Variants in MORC1 observed in about 807,000 individuals in gnomAD.
MORC1 encodes MORC family CW-type zinc finger protein 1.
A neutral mutation model predicts 134.9 loss-of-function variants in MORC1; 59 were observed. The observed-to-expected ratio is 0.44, with a 90% confidence interval of 0.35 to 0.54. MORC1 has a LOEUF of 0.54. Ranked by LOEUF, MORC1 falls within the 20% of genes least tolerant of loss-of-function variation. MORC1 has a pLI of 0.00. For missense variants in MORC1, 947 were observed against 1,134.5 expected (o/e 0.83, Z 2.37); for synonymous variants, 395 against 391.7 (o/e 1.01, Z -0.10).
At chr3:109,044,341 G>A (rs564064586) in intron 14 of MORC1, among the ~76,000 whole-genome samples, 38 of 151,110 alleles carry the variant, frequency 2.5e-4, no homozygotes, top group Admixed American at 5.3e-4. Context: ...GGCGGATCGC[G>A]AGGTCAGGAG....
chr3:109,003,983 T>A (rs1422901459), intron 20 of MORC1, among the ~76,000 whole-genome samples: 1 of 152,216 alleles, frequency 6.6e-6, no homozygotes, highest in Non-Finnish European at 1.5e-5. Context: ...TAACTACTAT[T>A]CAAAATAATT....
intron 4 of MORC1, among the ~76,000 whole-genome samples, chr3:109,102,402 C>G (rs57818885): frequency 0.032 from 4,896 of 151,952 alleles, 247 homozygotes; most frequent in African/African-American, 0.11. Context: ...ACATTTTCAG[C>G]AGGAAAATGT....
intron 17 of MORC1, among the ~76,000 whole-genome samples, chr3:109,009,489 C>A (rs981829173): frequency 1.3e-5 from 2 of 152,180 alleles, no homozygotes; most frequent in African/African-American, 2.4e-5. Flanking sequence ...CAGGCGTGAG[C>A]CACCACGCCT....
chr3:109,074,420 A>G (rs1950379725), intron 8 of MORC1, among the ~76,000 whole-genome samples: 1 of 152,236 alleles, frequency 6.6e-6, no homozygotes, highest in South Asian at 2.1e-4. Flanking sequence ...AAAAGAGACA[A>G]GGTGAAATGG....
intron 22 of MORC1, among the ~76,000 whole-genome samples, chr3:108,986,207 T>C (rs1384769974): frequency 6.6e-6 from 1 of 152,018 alleles, no homozygotes; most frequent in Non-Finnish European, 1.5e-5. Flanking sequence ...TGGTATAATA[T>C]CAAAATTAAA....
At chr3:108,960,846 T>G (rs995386655) in intron 27 of MORC1, among the ~76,000 whole-genome samples, 1 of 152,234 alleles carries the variant, frequency 6.6e-6, no homozygotes, top group Non-Finnish European at 1.5e-5. Context: ...CATCCATTTT[T>G]CTTTAATAAT....
intron 26 of MORC1, 75 bp downstream of exon 26, chr3:108,969,594 G>C: frequency 2.8e-6 from 4 of 1,407,856 alleles, no homozygotes; most frequent in Non-Finnish European, 4.0e-6. Flanking sequence ...CCTAACATTT[G>C]GAAATGTACA....
At chr3:108,974,772 T>C (rs1423969422) in intron 24 of MORC1, among the ~76,000 whole-genome samples, 1 of 152,234 alleles carries the variant, frequency 6.6e-6, no homozygotes, top group Non-Finnish European at 1.5e-5. Flanking sequence ...ATTGTCTTTC[T>C]TCTCAAGAAT....
Position 109,069,730 on chromosome 3 carries a change from G to A in MORC1, c.717C>T (p.Ala239=). The change falls in exon 9 of 28, where the codon GCC becomes GCT. Residue 239 remains alanine (A), a synonymous_variant. Transcript: ENST00000232603. ...EDFPARWSFR[A]YTSVLYFNPW... ...GGTTAAAATACAGAACAGATGTGTA[G>A]GCTCTGAATGACCACCTCGCTGGGA... is the stretch of plus-strand genomic sequence containing the variant. 1.2e-6 allele frequency: 2 copies of A among 1,610,250 alleles called. No homozygotes were observed. The highest frequency in any genetic ancestry group is 1.7e-6 in the Non-Finnish European group (2 of 1,177,470).
chr3:108,958,882 A>T lies in MORC1; in HGVS notation c.*83T>A. 1 of 944,488 alleles carries T rather than the reference A, an allele frequency of 1.1e-6. No homozygotes were observed. The highest frequency in any genetic ancestry group is 1.5e-6 in the Non-Finnish European group (1 of 663,548). The allele number at this position is 944,488 out of a possible 1,614,324, so 58.5% of individuals were successfully genotyped here. A position where few individuals can be genotyped will look rare whatever the true frequency, so the allele number is the denominator to read the frequency against. On this transcript the variant is annotated 3_prime_UTR_variant, in exon 28 of 28. Transcript: ENST00000232603. ...TGTTAAACAGAATAGACTTTACAGT[A>T]ACAACAACAAAAAAGAAAAATTTTT...
chr3:108,974,218 C>T (rs1947485304), intron 24 of MORC1, among the ~76,000 whole-genome samples: 2 of 152,272 alleles, frequency 1.3e-5, no homozygotes, highest in East Asian at 1.9e-4. Context: ...AATTACCCAG[C>T]AACTTGCAGT....
At chr3:109,081,233 TAAC>T (rs768610238) in intron 8 of MORC1, among the ~76,000 whole-genome samples, 4 of 151,916 alleles carry the variant, frequency 2.6e-5, no homozygotes, top group Non-Finnish European at 5.9e-5. Flanking sequence ...ATAAGACAAA[TAAC>T]AATGCTGAAA....
At chr3:109,004,752 A>G (rs1948496131) in intron 20 of MORC1, 65 bp downstream of exon 20, 5 of 1,447,952 alleles carry the variant, frequency 3.5e-6, no homozygotes, top group Non-Finnish European at 4.8e-6. Context: ...CAAAACTTAA[A>G]GATTAAAGGT....
intron 9 of MORC1, among the ~76,000 whole-genome samples, chr3:109,068,894 G>A (rs1381824121): frequency 2.0e-5 from 3 of 152,202 alleles, no homozygotes; most frequent in Non-Finnish European, 4.4e-5. Context: ...AGTGGCTCAC[G>A]CCTGCAATCC....
chr3:109,072,022 C>G (rs1559936033), intron 8 of MORC1, among the ~76,000 whole-genome samples: 1 of 152,098 alleles, frequency 6.6e-6, no homozygotes, highest in African/African-American at 2.4e-5. Flanking sequence ...TTAGAAGTTC[C>G]TGTTTATTTG....
intron 23 of MORC1, among the ~76,000 whole-genome samples, chr3:108,980,475 T>C (rs1947685469): frequency 6.6e-6 from 1 of 152,176 alleles, no homozygotes; most frequent in African/African-American, 2.4e-5. Flanking sequence ...CCTCCTCCCC[T>C]GAGGTGCCAT....
intron 1 of MORC1, 23 bp from the exon 2 acceptor site, chr3:109,114,460 A>G: frequency 6.2e-7 from 1 of 1,603,656 alleles, no homozygotes; most frequent in South Asian, 1.1e-5. Flanking sequence ...TAAAGAGAAA[A>G]CAAAAAGTTA....
chr3:109,020,975 C>T (rs1412242166), intron 17 of MORC1, among the ~76,000 whole-genome samples: 1 of 152,038 alleles, frequency 6.6e-6, no homozygotes, highest in African/African-American at 2.4e-5. Context: ...AAGTTAGGTC[C>T]TAAGTAAGAA....
chr3:109,040,847 A>AG lies in MORC1; in HGVS notation c.1331-5380_1331-5379insC, dbSNP rs1226773074. Among the ~76,000 whole-genome samples, 103 of 149,208 alleles carry AG rather than the reference A, an allele frequency of 6.9e-4. 1 individual carries two copies. The highest frequency in any genetic ancestry group is 2.3e-3 in the African/African-American group (94 of 40,992). On this transcript the variant is annotated intron_variant, in intron 14 of 27. Transcript: ENST00000232603. ...TCTGTGTCAAAAAAAAAAAAAAAAAAAAAGAAAGAAAGAAATGTGAAAAAG... is the reference window on the plus strand; with the variant it reads ...TCTGTGTCAAAAAAAAAAAAAAAAAAGAAAGAAAGAAAGAAATGTGAAAAAG...
Sources: gnomAD v4.1 joint callset for allele counts (sites outside exome capture counted in the v4.1 genomes callset) on GRCh38, gnomAD v4.1.1 for gene constraint, MANE v1.5 for transcripts, NCBI Gene and HGNC (gene_info 2026-07-23, HGNC 2026-07-21) for gene names.